EML6: variants seen among roughly 807,000 people sequenced by gnomAD.
The protein encoded by EML6 is EMAP like 6.
EML6 carries 154 observed loss-of-function variants against 240.1 expected under a neutral mutation model. The observed-to-expected ratio is 0.64, with a 90% CI of 0.56 to 0.73. EML6 has a LOEUF of 0.73. Among genes scored for constraint, EML6 ranks in the 30% least tolerant of loss-of-function variants. The pLI is 0.00. For synonymous variants in EML6, 1,148 were observed against 899.0 expected (o/e 1.28, Z -4.95); for missense variants, 2,964 against 2,474.6 (o/e 1.20, Z -4.20).
chr2:54,969,932 C>A, intron 41 of EML6, 139 bp from the exon 42 acceptor site: 1 of 854,490 alleles, frequency 1.2e-6, no homozygotes, highest in Non-Finnish European at 1.9e-6. Context: ...GGCAAGATCC[C>A]TGGTTTACCT....
At chr2:54,871,728 C>A (rs749739304) in intron 16 of EML6, 123 bp downstream of exon 16, 12 of 722,992 alleles carry the variant, frequency 1.7e-5, no homozygotes, top group Non-Finnish European at 2.9e-5. Flanking sequence ...CTTAGTCGTT[C>A]TGTTTGTATT....
intron 12 of EML6, among the ~76,000 whole-genome samples, chr2:54,863,219 G>A (rs1670776300): frequency 6.6e-6 from 1 of 152,156 alleles, no homozygotes; most frequent in African/African-American, 2.4e-5. Context: ...AAATGGTTGG[G>A]TTTATTTTTG....
chr2:54,849,739 C>T (rs1429403814), intron 9 of EML6, among the ~76,000 whole-genome samples: 4 of 152,248 alleles, frequency 2.6e-5, no homozygotes, highest in South Asian at 2.1e-4. Flanking sequence ...CCGTCTGCCT[C>T]GGCCTCCCAA....
intron 28 of EML6, among the ~76,000 whole-genome samples, chr2:54,947,851 GT>G (rs1675766534): frequency 6.6e-6 from 1 of 152,166 alleles, no homozygotes; most frequent in South Asian, 2.1e-4. Context: ...TTTCATTTCT[GT>G]TTTAGTTCTT....
intron 26 of EML6, among the ~76,000 whole-genome samples, chr2:54,925,697 C>G (rs1371167530): frequency 1.3e-5 from 2 of 152,164 alleles, no homozygotes; most frequent in Non-Finnish European, 2.9e-5. Context: ...GAGACATACC[C>G]TATCCTTTAT....
At chr2:54,787,575 C>T (rs12613164) in intron 2 of EML6, among the ~76,000 whole-genome samples, 10,380 of 152,046 alleles carry the variant, frequency 0.068, 530 homozygotes, top group East Asian at 0.3. Flanking sequence ...TGTAAAGTAC[C>T]GCATAGTAAT....
At position 54,957,728 on chromosome 2, in the gene EML6, G is replaced by A. The variant is rs530559094; in HGVS notation, c.4487-62G>A. Reference sequence around the variant, plus strand: ...CTGGGGTGGAGACCTCCTGGGCTGCGGCTCCCCCGGCCTGGCCCATGAAGC... The same window carrying A: ...CTGGGGTGGAGACCTCCTGGGCTGCAGCTCCCCCGGCCTGGCCCATGAAGC... On this transcript the variant is annotated intron_variant, in intron 32 of 41. Coordinates refer to ENST00000356458, the MANE Select transcript of EML6 (RefSeq NM_001039753.4). 17 of 1,487,020 alleles carry A rather than the reference G, an allele frequency of 1.1e-5. No homozygotes were observed. In the East Asian group the frequency reaches 1.2e-4, roughly 11 times the overall value. 92.1% of individuals were successfully genotyped at this position (1,487,020 alleles called of 1,614,324 possible).
At chr2:54,911,234 T>G (rs1276573741) in intron 25 of EML6, among the ~76,000 whole-genome samples, 192 bp downstream of exon 25, 1 of 152,206 alleles carries the variant, frequency 6.6e-6, no homozygotes, top group African/African-American at 2.4e-5. Flanking sequence ...ACACCACTGG[T>G]GTAGCAATGT....
At chr2:54,798,461 C>T (rs1315523138) in intron 2 of EML6, among the ~76,000 whole-genome samples, 1 of 152,144 alleles carries the variant, frequency 6.6e-6, no homozygotes, top group African/African-American at 2.4e-5. Flanking sequence ...GCGTGAGCGA[C>T]CACACCCGGC....
chr2:54,892,861 A>C (rs1055829941), intron 19 of EML6, among the ~76,000 whole-genome samples: 4 of 152,172 alleles, frequency 2.6e-5, no homozygotes, highest in Non-Finnish European at 5.9e-5. Context: ...TTTATATGCA[A>C]CTTCTCTGCA....
chr2:54,804,346 G>A (rs138728358), intron 2 of EML6, among the ~76,000 whole-genome samples: 1 of 152,230 alleles, frequency 6.6e-6, no homozygotes, highest in Non-Finnish European at 1.5e-5. Context: ...AGGATGACTA[G>A]CTCCAGAAAG....
intron 2 of EML6, among the ~76,000 whole-genome samples, chr2:54,802,196 A>G (rs1415262776): frequency 6.6e-6 from 1 of 152,242 alleles, no homozygotes; most frequent in Non-Finnish European, 1.5e-5. Flanking sequence ...AGAATTTTAA[A>G]ACACTGATGG....
At chr2:54,840,075 G>C (rs1465672) in intron 7 of EML6, among the ~76,000 whole-genome samples, 117,872 of 152,216 alleles carry the variant, frequency 0.77, 46,544 homozygotes, top group East Asian at 0.99. Flanking sequence ...TTAACTCTTT[G>C]CTTCCTGATA....
chr2:54,901,135 G>A (rs1299680074), intron 22 of EML6, among the ~76,000 whole-genome samples: 1 of 152,216 alleles, frequency 6.6e-6, no homozygotes, highest in East Asian at 1.9e-4. Flanking sequence ...AACCCCATGA[G>A]TAAGGCTATT....
chr2:54,810,210 A>G (rs1667762513), intron 2 of EML6, among the ~76,000 whole-genome samples: 1 of 151,954 alleles, frequency 6.6e-6, no homozygotes, highest in Non-Finnish European at 1.5e-5. Flanking sequence ...TTCTGGCAAG[A>G]AAAAAAAATT....
At position 54,767,183 on chromosome 2, in the gene EML6, A is replaced by G. The variant is rs544869062; in HGVS notation, c.197+41925A>G. Among the ~76,000 whole-genome samples, 4 of 152,290 alleles carry G rather than the reference A, an allele frequency of 2.6e-5. No individual in the cohort carries two copies. The South Asian group carries it at 8.3e-4, about 32-fold the overall frequency. ...GAAGCATCTTGAATACTATTTTGAC[A>G]CTGTTACAGCAAAGTATTAACTGAT... is the stretch of plus-strand genomic sequence containing the variant. On this transcript the variant is annotated intron_variant, in intron 2 of 41. Coordinates refer to ENST00000356458, the MANE Select transcript of EML6 (RefSeq NM_001039753.4).
At chr2:54,927,269 G>A (rs1050077899) in intron 26 of EML6, among the ~76,000 whole-genome samples, 1 of 152,166 alleles carries the variant, frequency 6.6e-6, no homozygotes, top group African/African-American at 2.4e-5. Context: ...GGGCGATCTT[G>A]ACTAGGAGTA....
intron 9 of EML6, 134 bp from the exon 10 acceptor site, chr2:54,849,828 T>C: frequency 1.4e-6 from 1 of 737,226 alleles, no homozygotes; most frequent in Non-Finnish European, 2.1e-6. Context: ...ATATATTTAC[T>C]CAAAAGTTAA....
chr2:54,860,237 C>A (rs1184008960), intron 12 of EML6, among the ~76,000 whole-genome samples: 23 of 152,276 alleles, frequency 1.5e-4, no homozygotes, highest in Non-Finnish European at 4.4e-5. Context: ...CTCTAGGTTA[C>A]CCGTGGACTG....
Sources: gnomAD v4.1 joint callset for allele counts (sites outside exome capture counted in the v4.1 genomes callset) on GRCh38, gnomAD v4.1.1 for gene constraint, MANE v1.5 for transcripts, NCBI Gene and HGNC (gene_info 2026-07-23, HGNC 2026-07-21) for gene names.